The following DNAH6 variants were observed in gnomAD, a reference collection of about 807,000 sequenced individuals.
DNAH6 encodes the protein axonemal beta dynein heavy chain 6.
Under a neutral mutation model 491.4 loss-of-function variants are expected in DNAH6, and 340 were observed. The ratio of observed to expected loss-of-function variants is 0.69; its 90% CI spans 0.63 to 0.76. The LOEUF (loss-of-function observed/expected upper bound fraction) is 0.76, where lower values mean the gene tolerates loss of function less well. Ranked by LOEUF, DNAH6 falls within the 30% of genes least tolerant of loss-of-function variation. The probability of loss-of-function intolerance (pLI) is 0.00; values close to 1 mark genes in which losing one functional copy is unlikely to be tolerated. For synonymous variants in DNAH6, 1,603 were observed against 1,686.1 expected, an observed-to-expected ratio of 0.95 and a Z score of 1.21; for missense variants, 4,443 against 4,972.2, an observed-to-expected ratio of 0.89 and a Z score of 3.20.
intron 67 of DNAH6, 98 bp from the exon 68 acceptor site, chr2:84,787,066 G>A: frequency 2.3e-6 from 2 of 863,602 alleles, no homozygotes; most frequent in South Asian, 2.0e-5. Flanking sequence ...GTGTGGGGAT[G>A]CCCATTTTCA....
intron 21 of DNAH6, among the ~76,000 whole-genome samples, 190 bp from the exon 22 acceptor site, chr2:84,611,484 A>G (rs1051252976): frequency 6.6e-6 from 1 of 152,196 alleles, no homozygotes; most frequent in Admixed American, 6.5e-5. Flanking sequence ...CTCAGTAGAC[A>G]GTGGGATGAA....
chr2:84,667,361 C>A (rs1338468212), intron 37 of DNAH6, among the ~76,000 whole-genome samples: 1 of 152,024 alleles, frequency 6.6e-6, no homozygotes, highest in Non-Finnish European at 1.5e-5. Flanking sequence ...TGACAAAGGG[C>A]TAATATCCAG....
intron 33 of DNAH6, among the ~76,000 whole-genome samples, chr2:84,645,218 G>A (rs1689780330): frequency 6.6e-6 from 1 of 152,148 alleles, no homozygotes; most frequent in Non-Finnish European, 1.5e-5. Context: ...TCAGGAGTTT[G>A]AGACCAGCCT....
intron 51 of DNAH6, among the ~76,000 whole-genome samples, chr2:84,705,284 G>C (rs113151743): frequency 1.3e-5 from 2 of 152,222 alleles, no homozygotes; most frequent in Non-Finnish European, 2.9e-5. Flanking sequence ...AAGCTGGGTC[G>C]CATGGAAACT....
chr2:84,654,093 TGA>T (rs1558859985), intron 34 of DNAH6, among the ~76,000 whole-genome samples: 1 of 151,220 alleles, frequency 6.6e-6, no homozygotes, highest in African/African-American at 2.4e-5. Context: ...CTGGCTTCCC[TGA>T]GAGAGGGAGA....
intron 43 of DNAH6, among the ~76,000 whole-genome samples, chr2:84,686,105 G>A (rs1352317710): frequency 1.3e-5 from 2 of 151,590 alleles, no homozygotes; most frequent in Admixed American, 6.6e-5. Flanking sequence ...AGAGAATCAT[G>A]TGAACCCAGG....
intron 35 of DNAH6, among the ~76,000 whole-genome samples, chr2:84,656,761 C>T (rs777160411): frequency 1.4e-4 from 21 of 151,854 alleles, no homozygotes; most frequent in Non-Finnish European, 2.4e-4. Context: ...CTTAACAATA[C>T]TCCGGTTTCT....
At chr2:84,804,978 TA>T (rs1283808377) in intron 70 of DNAH6, among the ~76,000 whole-genome samples, 1 of 151,204 alleles carries the variant, frequency 6.6e-6, no homozygotes, top group Non-Finnish European at 1.5e-5. Context: ...CACACCCAGC[TA>T]ATTTTTTTTT....
chr2:84,669,339 AC>A lies in DNAH6; in HGVS notation c.6136del (p.Arg2046GlyfsTer36), dbSNP rs1238510502. On this transcript the variant is annotated frameshift_variant, in exon 38 of 77. Transcript: ENST00000389394. LOFTEE classifies it high-confidence loss of function. Reference protein sequence around the residue: ...WSIHMDFDTKRLDPWERIIPT... With the variant: ...WSIHMDFDTKXLDPWERIIPT... ...GCATTCATATGGACTTTGACACCAA[AC>A]GGCTGGATCCCTGGGAACGAATCAT... 1.9e-6 allele frequency: 3 copies of A among 1,549,472 alleles called. No homozygotes were observed. Among genetic ancestry groups the A allele is most frequent in the Non-Finnish European group, 2.6e-6 (3 of 1,145,020 alleles).
chr2:84,547,809 C>T (rs1678923045), intron 7 of DNAH6, among the ~76,000 whole-genome samples, 197 bp downstream of exon 7: 1 of 152,100 alleles, frequency 6.6e-6, no homozygotes, highest in African/African-American at 2.4e-5. Flanking sequence ...TCCCATTACT[C>T]CTGTTTGTAT....
intron 62 of DNAH6, among the ~76,000 whole-genome samples, chr2:84,743,704 C>T (rs925833777): frequency 2.0e-5 from 3 of 152,084 alleles, no homozygotes; most frequent in African/African-American, 7.2e-5. Context: ...CACCTGTAGT[C>T]CCAGCTATTC....
chr2:84,693,764 T>G (rs1695109579), intron 45 of DNAH6, among the ~76,000 whole-genome samples: 1 of 151,762 alleles, frequency 6.6e-6, no homozygotes, highest in African/African-American at 2.4e-5. Flanking sequence ...CCTGTTAACA[T>G]GAATCAGAAA....
intron 10 of DNAH6, 79 bp from the exon 11 acceptor site, chr2:84,557,656 C>CAAAAAAAAAAAAAAAAAAAAAAA (rs10660724): frequency 3.2e-5 from 2 of 62,046 alleles, no homozygotes; most frequent in African/African-American, 1.3e-4. Context: ...GACTCCGTCT[C>CAAAAAAAAAAAAAAAAAAAAAAA]AAAAAAAAAA....
chr2:84,810,551 C>T (rs1322036017), intron 72 of DNAH6, among the ~76,000 whole-genome samples: 1 of 152,212 alleles, frequency 6.6e-6, no homozygotes, highest in Non-Finnish European at 1.5e-5. Context: ...AGAGGCCTTC[C>T]TCACCTGACC....
chr2:84,487,103 C>T, the DNAH6 span, among the ~76,000 whole-genome samples: 166 of 152,150 alleles, frequency 1.1e-3, no homozygotes, highest in Non-Finnish European at 2.1e-3. Context: ...TATTCATTTA[C>T]CATAGACAAA....
chr2:84,658,605 C>T (rs769746738), intron 36 of DNAH6, 131 bp downstream of exon 36: 19 of 604,520 alleles, frequency 3.1e-5, no homozygotes, highest in Non-Finnish European at 5.1e-5. Flanking sequence ...GGACTAATAG[C>T]TATGATGTCA....
At chr2:84,763,714 ATG>A (rs70953906) in intron 64 of DNAH6, among the ~76,000 whole-genome samples, 24,433 of 126,140 alleles carry the variant, frequency 0.19, 1,965 homozygotes, top group Admixed American at 0.25. Context: ...AACTGATAGG[ATG>A]TGTGTGTGTG....
chr2:84,677,112 GCA>G lies in DNAH6; in HGVS notation c.6723_6724del (p.His2241GlnfsTer16). 1.3e-6 allele frequency: 2 copies of G among 1,551,710 alleles called. No individual in the cohort carries two copies. Among genetic ancestry groups the G allele is most frequent in the Non-Finnish European group, 1.7e-6 (2 of 1,146,962 alleles). ...SMLCLPMPSE[H>X]SLKQIFQAIL... is the part of the protein sequence containing the mutation. ...TGCTGTGCCTCCCAATGCCCTCAGA[GCA>G]CAGTCTGAAACAGATTTTTCAGGTG... On this transcript the variant is annotated frameshift_variant, in exon 41 of 77. Coordinates refer to ENST00000389394, the MANE Select transcript of DNAH6 (RefSeq NM_001370.2). LOFTEE classifies it high-confidence loss of function.
the DNAH6 span, among the ~76,000 whole-genome samples, chr2:84,485,518 T>C: frequency 6.6e-6 from 1 of 152,132 alleles, no homozygotes; most frequent in African/African-American, 2.4e-5. Flanking sequence ...ATCATCTTCC[T>C]GCATTAAGAC....
Sources: allele counts gnomAD v4.1 joint callset (sites outside exome capture counted in the v4.1 genomes callset), GRCh38; gene constraint gnomAD v4.1.1; transcripts MANE v1.5; gene names NCBI Gene and HGNC (gene_info 2026-07-23, HGNC 2026-07-21).